CNGB1: variants seen among roughly 807,000 people sequenced by gnomAD.
The protein encoded by CNGB1 is cyclic nucleotide-gated channel beta-1.
Under a neutral mutation model 151.7 loss-of-function variants are expected in CNGB1, and 126 were observed. That is an observed-to-expected ratio of 0.83 (90% confidence interval 0.72 to 0.96). CNGB1 has a LOEUF of 0.96. CNGB1 is among the 40% of genes least tolerant of loss of function. CNGB1 has a pLI of 0.00. For missense variants in CNGB1, 1,698 were observed against 1,627.0 expected (o/e 1.04, Z -0.75); for synonymous variants, 623 against 635.1 (o/e 0.98, Z 0.29).
intron 24 of CNGB1, among the ~76,000 whole-genome samples, chr16:57,912,721 ATGTGTTG>A (rs1316738980): frequency 6.8e-6 from 1 of 146,374 alleles, no homozygotes; most frequent in Non-Finnish European, 1.5e-5. Context: ...GCACGTATGT[ATGTGTTG>A]TGTGTTGTGT....
chr16:57,903,110 C>T (rs753019663), intron 27 of CNGB1, among the ~76,000 whole-genome samples: 2 of 141,112 alleles, frequency 1.4e-5, no homozygotes, highest in Non-Finnish European at 3.0e-5. Flanking sequence ...TGAGAGAAAG[C>T]GAGGAGAGAG....
intron 24 of CNGB1, among the ~76,000 whole-genome samples, chr16:57,912,225 C>T (rs547009631): frequency 1.3e-3 from 203 of 152,246 alleles, no homozygotes; most frequent in Non-Finnish European, 2.5e-3. Flanking sequence ...CTCCCTAGCA[C>T]GGCCTGGCTG....
rs372804572 is a variant in CNGB1 at position 57,919,100 on chromosome 16, G to T, written c.1956C>A (p.Thr652=). Reference sequence around the variant, plus strand: ...GAACACCCATTCCCCAGGACTCACTGGTCAGCGGGTCAATGCTCTGGGGAA... The same window carrying T: ...GAACACCCATTCCCCAGGACTCACTTGTCAGCGGGTCAATGCTCTGGGGAA... ...YQFPQSIDPL[T]NLMYVLWLFF... Residue 652 remains threonine (T), a splice_region_variant and synonymous_variant, in exon 20 of 33, where the codon ACC becomes ACA. Coordinates refer to ENST00000251102, the MANE Select transcript of CNGB1 (RefSeq NM_001297.5). 1 of 1,614,044 alleles carries T rather than the reference G, an allele frequency of 6.2e-7. No individual in the cohort carries two copies. Among genetic ancestry groups the T allele is most frequent in the African/African-American group, 1.3e-5 (1 of 74,896 alleles).
intron 25 of CNGB1, among the ~76,000 whole-genome samples, chr16:57,906,647 C>T (rs1411379375): frequency 6.6e-6 from 1 of 152,232 alleles, no homozygotes; most frequent in African/African-American, 2.4e-5. Flanking sequence ...CGCGAAGCAG[C>T]GTTTAGCGGG....
chr16:57,918,368 C>T (rs529182468), intron 20 of CNGB1, among the ~76,000 whole-genome samples: 41 of 152,214 alleles, frequency 2.7e-4, no homozygotes, highest in Admixed American at 7.9e-4. Context: ...GGCACCTGCC[C>T]TCTTCTGAGA....
At chr16:57,916,325 G>C in intron 21 of CNGB1, 146 bp from the exon 22 acceptor site, 1 of 809,878 alleles carries the variant, frequency 1.2e-6, no homozygotes. Flanking sequence ...AAAGCCTTGA[G>C]TTTTATGGGT....
chr16:57,953,493 TAAA>T (rs61409577), intron 12 of CNGB1, among the ~76,000 whole-genome samples: 3 of 122,814 alleles, frequency 2.4e-5, no homozygotes, highest in Admixed American at 8.6e-5. Context: ...GGCTCAATCT[TAAA>T]AAAAAAAAAA....
In CNGB1 at chr16:57,920,488, C is replaced by T. The variant is rs537922983; in HGVS notation, c.1700G>A (p.Arg567Gln). 1.1e-5 allele frequency: 17 copies of T among 1,614,140 alleles called. 1 individual carries two copies. Among genetic ancestry groups the T allele is most frequent in the East Asian group, 2.2e-5 (1 of 44,880 alleles). Residue 567 changes from arginine to glutamine, a missense_variant, in exon 19 of 33, where the codon CGG becomes CAG. Transcript: ENST00000251102. ...ASTNSAIINDRLQELVKLFKE... is the reference protein window; with the variant it reads ...ASTNSAIINDQLQELVKLFKE... ...GAAGAGCTTCACCAGCTCCTGGAGC[C>T]GGTCGTTGATGATGGCGCTATTTGT...
At position 57,901,252 on chromosome 16, in the gene CNGB1, C is replaced by T. The variant is rs74019717; in HGVS notation, c.2976+100G>A. 3,154 of 1,149,788 alleles carry T rather than the reference C, an allele frequency of 2.7e-3. 16 individuals carry two copies. Among genetic ancestry groups the T allele is most frequent in the Middle Eastern group, 4.6e-3 (17 of 3,682 alleles). 71.2% of individuals were successfully genotyped at this position (1,149,788 alleles called of 1,614,324 possible). A position where few individuals can be genotyped will look rare whatever the true frequency, so the allele number is the denominator to read the frequency against. Reference sequence around the variant, plus strand: ...CGCTCTTCTCCCTCCCCAACAATCTCGCTCTGCCCTGGGCTGGCAGGCACC... The same window carrying T: ...CGCTCTTCTCCCTCCCCAACAATCTTGCTCTGCCCTGGGCTGGCAGGCACC... On this transcript the variant is annotated intron_variant, in intron 29 of 32. Transcript: ENST00000251102.
At position 57,953,509 on chromosome 16, in the gene CNGB1, AAAAG is replaced by A. The variant is rs1165840523; in HGVS notation, c.875-2973_875-2970del. The stretch of plus-strand genomic sequence containing the variant: ...GCTCAATCTTAAAAAAAAAAAAAAA[AAAAG>A]AAAGTCAACAGCCTCATGTAGGAAG... On this transcript the variant is annotated intron_variant, in intron 12 of 32. Transcript: ENST00000251102. Among the ~76,000 whole-genome samples the A allele has an allele frequency of 4.0e-5, 6 of 151,440 alleles. No homozygotes were observed. In the East Asian group the frequency reaches 9.7e-4, roughly 24 times the overall value.
chr16:57,912,831 T>G (rs1222736476), intron 24 of CNGB1, 99 bp downstream of exon 24: 5 of 1,205,882 alleles, frequency 4.1e-6, no homozygotes, highest in South Asian at 2.5e-5. Context: ...CGTGTGTGTG[T>G]TGTGTGTGTG....
rs766795927 is a variant in CNGB1 at position 57,931,796 on chromosome 16, T to C, written c.1455A>G (p.Pro485=). ...DSCPLMAEEN[P]PSTVLPPPSP... is the part of the protein sequence containing the mutation. ...ACGGTGGCGGCAACACGGTTGAGGG[T>C]GGATTCTCTTCTGCCATGAGGGGGC... Residue 485 remains proline (P), a synonymous_variant, in exon 17 of 33, where the codon CCA becomes CCG. Coordinates refer to ENST00000251102, the MANE Select transcript of CNGB1 (RefSeq NM_001297.5). 6.2e-7 allele frequency: 1 copy of C among 1,613,950 alleles called. No individual in the cohort carries two copies. The highest frequency in any genetic ancestry group is 8.5e-7 in the Non-Finnish European group (1 of 1,179,980).
intron 25 of CNGB1, among the ~76,000 whole-genome samples, chr16:57,911,441 A>AC (rs2149361906): frequency 6.6e-6 from 1 of 152,126 alleles, no homozygotes; most frequent in South Asian, 2.1e-4. Flanking sequence ...GGTGTGCATC[A>AC]CCACGCCCAG....
At position 57,958,442 on chromosome 16, in the gene CNGB1, G is replaced by A. The variant is rs753776329; in HGVS notation, c.805C>T (p.Gln269Ter). 6 of 1,608,272 alleles carry A rather than the reference G, an allele frequency of 3.7e-6. No homozygotes were observed. The East Asian group carries it at 1.1e-4, about 30-fold the overall frequency. Residue 269 changes from glutamine (Q) to a stop codon, truncating the protein, a stop_gained, in exon 11 of 33, where the codon CAG becomes TAG. Transcript: ENST00000251102. LOFTEE classifies it high-confidence loss of function. ...CCTATTTTCCCATGTAGCACTGGCT[G>A]CGGCAAGGCCATCTCCAGCCTGTGC... ...VLHRLEMALP[Q>*]PVLHGKIGEQ...
At chr16:57,911,634 G>T in intron 25 of CNGB1, 119 bp downstream of exon 25, 1 of 1,405,238 alleles carries the variant, frequency 7.1e-7, no homozygotes, top group Non-Finnish European at 9.8e-7. Flanking sequence ...TTGCTTAGGA[G>T]CAAAGTGGCC....
At chr16:57,918,411 G>A (rs1464797530) in intron 20 of CNGB1, among the ~76,000 whole-genome samples, 1 of 152,154 alleles carries the variant, frequency 6.6e-6, no homozygotes, top group African/African-American at 2.4e-5. Context: ...AGAAAGGCAG[G>A]GAGCCCTCTG....
intron 31 of CNGB1, among the ~76,000 whole-genome samples, chr16:57,888,775 A>T (rs1960008595): frequency 6.6e-6 from 1 of 151,972 alleles, no homozygotes; most frequent in Non-Finnish European, 1.5e-5. Flanking sequence ...TAACCAGCAG[A>T]AGAGTTAGGA....
chr16:57,943,208 A>T, intron 14 of CNGB1, among the ~76,000 whole-genome samples: 1 of 152,180 alleles, frequency 6.6e-6, no homozygotes, highest in Admixed American at 6.5e-5. Flanking sequence ...AACTGATTTT[A>T]AAAAATGGGC....
In CNGB1 at chr16:57,897,780, C is replaced by T; in HGVS notation, c.3095+16G>A. ...CCTTGCCCCAGGCCCCTCACTTTAC[C>T]CCAGCTGCGTCTGACCTTATTTCTC... On this transcript the variant is annotated intron_variant, in intron 30 of 32. Coordinates refer to ENST00000251102, the MANE Select transcript of CNGB1 (RefSeq NM_001297.5). The T allele has an allele frequency of 6.2e-7, 1 of 1,612,992 alleles. No individual in the cohort carries two copies. The highest frequency in any genetic ancestry group is 8.5e-7 in the Non-Finnish European group (1 of 1,178,904).
Sources: gnomAD v4.1 joint callset for allele counts (sites outside exome capture counted in the v4.1 genomes callset) on GRCh38, gnomAD v4.1.1 for gene constraint, MANE v1.5 for transcripts, NCBI Gene and HGNC (gene_info 2026-07-23, HGNC 2026-07-21) for gene names.